The following TRABD2B variants were observed in gnomAD, a reference collection of about 807,000 sequenced individuals.
The protein encoded by TRABD2B is TraB domain containing 2B, also known as metalloprotease TIKI2.
A neutral mutation model predicts 40.1 loss-of-function variants in TRABD2B; 14 were observed. The ratio of observed to expected loss-of-function variants is 0.35; its 90% confidence interval spans 0.23 to 0.55. The LOEUF (loss-of-function observed/expected upper bound fraction) is 0.55, where lower values mean the gene tolerates loss of function less well. Among genes scored for constraint, TRABD2B ranks in the 20% least tolerant of loss-of-function variants. TRABD2B has a pLI of 0.90. For missense variants in TRABD2B, 541 were observed against 648.6 expected, an observed-to-expected ratio of 0.83 and a Z score of 1.80; for synonymous variants, 263 against 277.0, an observed-to-expected ratio of 0.95 and a Z score of 0.50.
intron 2 of TRABD2B, among the ~76,000 whole-genome samples, chr1:47,872,442 A>G (rs1159086566): frequency 6.6e-6 from 1 of 152,166 alleles, no homozygotes; most frequent in Non-Finnish European, 1.5e-5. Flanking sequence ...GAAGAGGTAA[A>G]TGCCAGGCCC....
At chr1:47,977,078 T>C (rs1645766912) in intron 2 of TRABD2B, among the ~76,000 whole-genome samples, 1 of 151,744 alleles carries the variant, frequency 6.6e-6, no homozygotes. Context: ...CTTTTTTTTT[T>C]TTTTTTTCCC....
intron 2 of TRABD2B, among the ~76,000 whole-genome samples, chr1:47,960,028 C>T (rs1442898113): frequency 6.6e-6 from 1 of 152,232 alleles, no homozygotes; most frequent in African/African-American, 2.4e-5. Flanking sequence ...ATCAAGCTGG[C>T]TTCATCCCTA....
chr1:47,870,373 C>T (rs1468810244), intron 2 of TRABD2B, among the ~76,000 whole-genome samples: 1 of 152,180 alleles, frequency 6.6e-6, no homozygotes, highest in African/African-American at 2.4e-5. Context: ...AGCTGCAGAA[C>T]AGTTTACACC....
chr1:47,943,704 A>G (rs1309235107), intron 2 of TRABD2B, among the ~76,000 whole-genome samples: 1 of 152,094 alleles, frequency 6.6e-6, no homozygotes, highest in African/African-American at 2.4e-5. Context: ...AACACAATGT[A>G]GAAAATTTCA....
At chr1:47,886,751 G>A (rs1388926839) in intron 2 of TRABD2B, among the ~76,000 whole-genome samples, 1 of 152,222 alleles carries the variant, frequency 6.6e-6, no homozygotes, top group African/African-American at 2.4e-5. Context: ...ACAAACAGTG[G>A]TGAATTGGCC....
intron 2 of TRABD2B, among the ~76,000 whole-genome samples, chr1:47,833,718 T>C (rs1399087898): frequency 6.6e-6 from 1 of 152,256 alleles, no homozygotes; most frequent in Non-Finnish European, 1.5e-5. Context: ...TGCATTCTCT[T>C]ACATCCAGCT....
Position 47,919,010 on chromosome 1 carries a change from G to A in TRABD2B, c.666+75024C>T, listed in dbSNP as rs1242381125. 7.2e-5 allele frequency among the ~76,000 whole-genome samples: 11 copies of A among 152,234 alleles called. No individual in the cohort carries two copies. The East Asian group carries it at 2.1e-3, about 29-fold the overall frequency. On this transcript the variant is annotated intron_variant, in intron 2 of 6. Coordinates refer to ENST00000606738, the MANE Select transcript of TRABD2B (RefSeq NM_001194986.2). ...CCTGTTGGGATGTCACTCCTCTGAGGTGTCTCCTTGGAGCTTAGTCACTCC... is the reference window on the plus strand; with the variant it reads ...CCTGTTGGGATGTCACTCCTCTGAGATGTCTCCTTGGAGCTTAGTCACTCC...
chr1:47,875,198 T>C (rs1219722165), intron 2 of TRABD2B, among the ~76,000 whole-genome samples: 5 of 151,976 alleles, frequency 3.3e-5, no homozygotes, highest in African/African-American at 4.8e-5. Context: ...GGAAACAGTC[T>C]GTTCCAAGTT....
At chr1:47,889,043 G>C (rs1348784940) in intron 2 of TRABD2B, among the ~76,000 whole-genome samples, 1 of 152,202 alleles carries the variant, frequency 6.6e-6, no homozygotes, top group Non-Finnish European at 1.5e-5. Context: ...TATGATGTCT[G>C]TCTGTCTCAG....
At chr1:47,864,047 C>T (rs1644018098) in intron 2 of TRABD2B, among the ~76,000 whole-genome samples, 1 of 152,004 alleles carries the variant, frequency 6.6e-6, no homozygotes, top group African/African-American at 2.4e-5. Flanking sequence ...CTGGAAAACG[C>T]AACAAAACTA....
intron 2 of TRABD2B, among the ~76,000 whole-genome samples, chr1:47,947,921 T>C (rs539087561): frequency 3.9e-5 from 6 of 152,292 alleles, no homozygotes; most frequent in South Asian, 4.1e-4. Flanking sequence ...CTAGACCTGA[T>C]TCCTAGTCCA....
At chr1:47,981,549 T>C (rs1331048931) in intron 2 of TRABD2B, among the ~76,000 whole-genome samples, 2 of 152,120 alleles carry the variant, frequency 1.3e-5, no homozygotes, top group Non-Finnish European at 2.9e-5. Context: ...TTCCTGGCAC[T>C]CTGCAGTGAG....
chr1:47,910,237 C>G (rs1163927340), intron 2 of TRABD2B, among the ~76,000 whole-genome samples: 2 of 152,052 alleles, frequency 1.3e-5, no homozygotes, highest in Non-Finnish European at 2.9e-5. Flanking sequence ...CTACCTTCAT[C>G]TTATAGGTGA....
At chr1:47,957,461 C>T (rs1453684204) in intron 2 of TRABD2B, among the ~76,000 whole-genome samples, 5 of 152,070 alleles carry the variant, frequency 3.3e-5, no homozygotes, top group Non-Finnish European at 7.4e-5. Context: ...AGCTAAAAAC[C>T]TTGAAAAAAG....
intron 2 of TRABD2B, among the ~76,000 whole-genome samples, chr1:47,886,592 C>G (rs937241428): frequency 1.3e-5 from 2 of 152,186 alleles, no homozygotes; most frequent in Non-Finnish European, 2.9e-5. Context: ...ACATGCCAAG[C>G]CAGACACCTG....
At chr1:47,899,398 G>A (rs1396686952) in intron 2 of TRABD2B, among the ~76,000 whole-genome samples, 3 of 152,214 alleles carry the variant, frequency 2.0e-5, no homozygotes, top group South Asian at 2.1e-4. Flanking sequence ...ACCTGCGAGC[G>A]CTTCTGGTTT....
intron 3 of TRABD2B, among the ~76,000 whole-genome samples, chr1:47,796,020 C>A (rs1644743876): frequency 6.6e-6 from 1 of 152,150 alleles, no homozygotes; most frequent in African/African-American, 2.4e-5. Flanking sequence ...CAACAGCCGG[C>A]ACAAAGAAGG....
chr1:47,989,906 T>C (rs1014876701), intron 2 of TRABD2B, among the ~76,000 whole-genome samples: 5 of 152,214 alleles, frequency 3.3e-5, no homozygotes, highest in African/African-American at 1.2e-4. Flanking sequence ...GGCCTGTCTG[T>C]GTAATCACAG....
intron 2 of TRABD2B, among the ~76,000 whole-genome samples, chr1:47,863,369 A>ATT (rs1294944726): frequency 2.6e-4 from 8 of 30,436 alleles, no homozygotes; most frequent in East Asian, 5.9e-3. Context: ...ATCCTATATA[A>ATT]TTTTATATAT....
Sources: allele counts gnomAD v4.1 joint callset (sites outside exome capture counted in the v4.1 genomes callset), GRCh38; gene constraint gnomAD v4.1.1; transcripts MANE v1.5; gene names NCBI Gene and HGNC (gene_info 2026-07-23, HGNC 2026-07-21).